The following PIEZO2 variants were observed in gnomAD, a reference collection of about 807,000 sequenced individuals.
PIEZO2 encodes piezo type mechanosensitive ion channel component 2.
In PIEZO2, 172 loss-of-function variants were observed where a neutral mutation model predicts 337.3. The observed-to-expected ratio is 0.51, with a 90% CI of 0.45 to 0.58. The LOEUF (loss-of-function observed/expected upper bound fraction) is 0.58, where lower values mean the gene tolerates loss of function less well. Ranked by LOEUF, PIEZO2 falls within the 20% of genes least tolerant of loss-of-function variation. The probability of loss-of-function intolerance (pLI) is 0.00; values close to 1 mark genes in which losing one functional copy is unlikely to be tolerated. For synonymous variants in PIEZO2, 1,251 were observed against 1,228.5 expected (o/e 1.02, Z -0.38); for missense variants, 3,028 against 3,391.3 (o/e 0.89, Z 2.66).
chr18:11,059,534 T>C (rs2037859532), intron 2 of PIEZO2, among the ~76,000 whole-genome samples: 1 of 152,062 alleles, frequency 6.6e-6, no homozygotes, highest in African/African-American at 2.4e-5. Context: ...GAGACACACA[T>C]AGGCTCAAAA....
chr18:11,010,180 T>A (rs1449031274), intron 2 of PIEZO2, among the ~76,000 whole-genome samples: 1 of 152,186 alleles, frequency 6.6e-6, no homozygotes, highest in Non-Finnish European at 1.5e-5. Flanking sequence ...ACCAAACACC[T>A]ACTAGGTACT....
At chr18:11,136,841 A>G (rs2040504410) in intron 1 of PIEZO2, among the ~76,000 whole-genome samples, 1 of 152,188 alleles carries the variant, frequency 6.6e-6, no homozygotes, top group East Asian at 1.9e-4. Flanking sequence ...TACAATGTCA[A>G]TGTAATACTG....
intron 3 of PIEZO2, among the ~76,000 whole-genome samples, chr18:10,916,316 G>A (rs1168807197): frequency 6.6e-6 from 1 of 152,300 alleles, no homozygotes; most frequent in Non-Finnish European, 1.5e-5. Context: ...TGGCCGATGG[G>A]ACCAGGAGCC....
chr18:10,935,827 G>A (rs116290069), intron 3 of PIEZO2, among the ~76,000 whole-genome samples: 1,856 of 152,260 alleles, frequency 0.012, 37 homozygotes, highest in African/African-American at 0.041. Flanking sequence ...GCAACGCTCC[G>A]GCAGTGGCTG....
In PIEZO2 at chr18:11,127,634, C is replaced by T; in HGVS notation, c.64+20891G>A. ...CCTTGCTCCTCAGCTTGCAGAAAGC[C>T]TATTGTGGGACCTTGTGATCATGTA... is the stretch of plus-strand genomic sequence containing the variant. On this transcript the variant is annotated intron_variant, in intron 1 of 55. Coordinates refer to ENST00000674853, the MANE Select transcript of PIEZO2 (RefSeq NM_001378183.1). The surrounding 1 kb of genome is among the most constrained non-coding windows in gnomAD (Gnocchi z 4.5). Among the ~76,000 whole-genome samples, 1 of 151,964 alleles carries T rather than the reference C, an allele frequency of 6.6e-6. No homozygotes were observed. The highest frequency in any genetic ancestry group is 6.6e-5 in the Admixed American group (1 of 15,248).
At chr18:10,826,838 T>G (rs1339576441) in intron 7 of PIEZO2, among the ~76,000 whole-genome samples, 2 of 152,206 alleles carry the variant, frequency 1.3e-5, no homozygotes, top group African/African-American at 4.8e-5. Flanking sequence ...CTAAAATATT[T>G]TCTGTGCTTC....
In PIEZO2 at chr18:10,846,750, C is replaced by A. The variant is rs931779183; in HGVS notation, c.917+8603G>T. 6.6e-6 allele frequency among the ~76,000 whole-genome samples: 1 copy of A among 152,050 alleles called. No individual in the cohort carries two copies. Among genetic ancestry groups the A allele is most frequent in the Admixed American group, 6.5e-5 (1 of 15,268 alleles). ...AGATGGAAGGTTCTGGAAGGAGGTG[C>A]ATGGGTAGGTTTAAGGGACAAACAG... On this transcript the variant is annotated intron_variant, in intron 7 of 55. Coordinates refer to ENST00000674853, the MANE Select transcript of PIEZO2 (RefSeq NM_001378183.1). This position sits in a 1 kb window ranked among gnomAD's most constrained non-coding sequence, Gnocchi z 4.1.
chr18:10,934,720 G>A (rs1346837726), intron 3 of PIEZO2, among the ~76,000 whole-genome samples: 1 of 149,280 alleles, frequency 6.7e-6, no homozygotes, highest in Non-Finnish European at 1.5e-5. Flanking sequence ...CCTAACCTAA[G>A]CCTAAACACC....
chr18:10,936,791 T>C lies in PIEZO2; in HGVS notation c.287-25563A>G, dbSNP rs76191601. The stretch of plus-strand genomic sequence containing the variant: ...GAAAGCTCAATTTTGCTGGGTTCTG[T>C]TTTGAAGACAAAACTGTGGGACTGT... On this transcript the variant is annotated intron_variant, in intron 3 of 55. Transcript: ENST00000674853. Among the ~76,000 whole-genome samples the C allele has an allele frequency of 9.4e-4, 143 of 152,288 alleles. 4 individuals carry two copies. The East Asian group carries it at 0.023, about 24-fold the overall frequency.
chr18:10,729,623 CA>C (rs374976832), intron 36 of PIEZO2, among the ~76,000 whole-genome samples: 36 of 124,716 alleles, frequency 2.9e-4, no homozygotes, highest in Admixed American at 4.3e-4. Context: ...GACTCTGTCT[CA>C]AAAAAAAAAA....
At position 10,860,524 on chromosome 18, in the gene PIEZO2, C is replaced by T. The variant is rs763939696; in HGVS notation, c.493-3313G>A. Among the ~76,000 whole-genome samples the T allele has an allele frequency of 1.0e-3, 153 of 152,306 alleles. 2 individuals are homozygous for T. The highest frequency in any genetic ancestry group is 5.8e-3 in the Admixed American group (88 of 15,304). On this transcript the variant is annotated intron_variant, in intron 5 of 55. Transcript: ENST00000674853. The stretch of plus-strand genomic sequence containing the variant: ...ACCAGAGCTATCGCCAGGACACCCA[C>T]ACCATCGTCAACACACAAATGACCT...
Position 10,830,263 on chromosome 18 carries a change from C to CT in PIEZO2, c.918-22990dup, listed in dbSNP as rs562398407. Among the ~76,000 whole-genome samples, 12 of 152,292 alleles carry CT rather than the reference C, an allele frequency of 7.9e-5. No individual in the cohort carries two copies. The South Asian group carries it at 2.3e-3, about 29-fold the overall frequency. On this transcript the variant is annotated intron_variant, in intron 7 of 55. Transcript: ENST00000674853. The surrounding 1 kb of genome is among the most constrained non-coding windows in gnomAD (Gnocchi z 4.7). ...TACGCAGAAGATTAACACTAGACCCCTATCTCTCACCACACACAACAATAA... is the reference window on the plus strand; with the variant it reads ...TACGCAGAAGATTAACACTAGACCCCTTATCTCTCACCACACACAACAATAA...
rs1268111895 is a variant in PIEZO2, at chr18:10,821,671, C to T, written c.918-14397G>A. Among the ~76,000 whole-genome samples, 1 of 152,070 alleles carries T rather than the reference C, an allele frequency of 6.6e-6. No individual in the cohort carries two copies. The highest frequency in any genetic ancestry group is 1.5e-5 in the Non-Finnish European group (1 of 68,018). ...CAGGAAATATGAGTCAAGTATCACC[C>T]CCACCCACCACCACCTTTTTCATCA... On this transcript the variant is annotated intron_variant, in intron 7 of 55. Coordinates refer to ENST00000674853, the MANE Select transcript of PIEZO2 (RefSeq NM_001378183.1). The surrounding 1 kb of genome is among the most constrained non-coding windows in gnomAD (Gnocchi z 4.2).
intron 2 of PIEZO2, among the ~76,000 whole-genome samples, chr18:11,054,495 C>T (rs1345095370): frequency 2.6e-5 from 4 of 152,310 alleles, no homozygotes; most frequent in East Asian, 3.9e-4. Flanking sequence ...ATTTACTGAA[C>T]GAACGCCTGC....
chr18:10,771,355 T>C (rs572665821), intron 20 of PIEZO2, among the ~76,000 whole-genome samples: 1 of 152,364 alleles, frequency 6.6e-6, no homozygotes, highest in African/African-American at 2.4e-5. Flanking sequence ...TTTAATCAAA[T>C]TACTTATTTT....
intron 1 of PIEZO2, among the ~76,000 whole-genome samples, chr18:11,130,103 G>A (rs544648707): frequency 4.8e-4 from 73 of 152,214 alleles, no homozygotes; most frequent in Non-Finnish European, 9.0e-4. Flanking sequence ...AATCCCTGGA[G>A]GGACTGCAGT....
chr18:10,729,908 T>C (rs553604405), intron 36 of PIEZO2, among the ~76,000 whole-genome samples: 1 of 152,356 alleles, frequency 6.6e-6, no homozygotes, highest in African/African-American at 2.4e-5. Flanking sequence ...TTGTTCTCCA[T>C]ACCAGCTCAA....
At chr18:10,694,537 T>G (rs1202885473) in intron 47 of PIEZO2, among the ~76,000 whole-genome samples, 1 of 152,164 alleles carries the variant, frequency 6.6e-6, no homozygotes, top group African/African-American at 2.4e-5. Flanking sequence ...ATGTTTAAAA[T>G]AGTACATCAT....
At position 11,077,563 on chromosome 18, in the gene PIEZO2, T is replaced by C. The variant is rs2038588948; in HGVS notation, c.65-11341A>G. Among the ~76,000 whole-genome samples, 1 of 152,110 alleles carries C rather than the reference T, an allele frequency of 6.6e-6. No individual in the cohort carries two copies. Among genetic ancestry groups the C allele is most frequent in the Non-Finnish European group, 1.5e-5 (1 of 68,004 alleles). On this transcript the variant is annotated intron_variant, in intron 1 of 55. Transcript: ENST00000674853. The surrounding 1 kb of genome is among the most constrained non-coding windows in gnomAD (Gnocchi z 4.8). ...TGCATGCCTATAGTCCCAGCTACTCTACATGGGAGACTGAGGTGGGAGGAT... is the reference window on the plus strand; with the variant it reads ...TGCATGCCTATAGTCCCAGCTACTCCACATGGGAGACTGAGGTGGGAGGAT...
Sources: allele counts gnomAD v4.1 joint callset (sites outside exome capture counted in the v4.1 genomes callset), GRCh38; gene constraint gnomAD v4.1.1; non-coding constraint Gnocchi (gnomAD v3.1); transcripts MANE v1.5; gene names NCBI Gene and HGNC (gene_info 2026-07-23, HGNC 2026-07-21).